The following CNTN6 variants were observed in gnomAD, a reference collection of about 807,000 sequenced individuals.
The protein encoded by CNTN6 is contactin 6.
CNTN6 carries 137 observed loss-of-function variants against 122.8 expected under a neutral mutation model. The observed-to-expected ratio is 1.12, with a 90% confidence interval of 0.97 to 1.29. The LOEUF is 1.29. Ranked by LOEUF, CNTN6 falls within the 50% of genes most tolerant of loss-of-function variation. The pLI is 0.00. For synonymous variants in CNTN6, 570 were observed against 426.0 expected (o/e 1.34, Z -4.16); for missense variants, 1,634 against 1,223.4 (o/e 1.34, Z -5.01).
At chr3:1,346,057 G>A (rs1442690613) in intron 11 of CNTN6, among the ~76,000 whole-genome samples, 1 of 150,886 alleles carries the variant, frequency 6.6e-6, no homozygotes, top group African/African-American at 2.4e-5. Flanking sequence ...CAAAGTTATG[G>A]TTGATACCAA....
At chr3:1,344,936 C>G (rs1704443967) in intron 11 of CNTN6, among the ~76,000 whole-genome samples, 1 of 152,016 alleles carries the variant, frequency 6.6e-6, no homozygotes, top group South Asian at 2.1e-4. Flanking sequence ...TCATGTCTCT[C>G]TTGAGACAGT....
chr3:1,336,191 TACAGCTA>T (rs1261520486), intron 11 of CNTN6, among the ~76,000 whole-genome samples: 2 of 151,530 alleles, frequency 1.3e-5, no homozygotes, highest in African/African-American at 2.4e-5. Context: ...TAAAATAAAA[TACAGCTA>T]AATGTCAGAA....
chr3:1,285,929 G>C (rs1694256742), intron 5 of CNTN6, among the ~76,000 whole-genome samples: 1 of 152,208 alleles, frequency 6.6e-6, no homozygotes, highest in Admixed American at 6.5e-5. Context: ...GTTAGAACCA[G>C]GAAGCTCATG....
intron 4 of CNTN6, among the ~76,000 whole-genome samples, chr3:1,252,458 T>G (rs1218079678): frequency 6.6e-6 from 1 of 152,188 alleles, no homozygotes; most frequent in Non-Finnish European, 1.5e-5. Context: ...ATTAGTAGAT[T>G]CTTCTAAAAT....
At chr3:1,191,546 T>G (rs910836741) in intron 2 of CNTN6, among the ~76,000 whole-genome samples, 5 of 152,188 alleles carry the variant, frequency 3.3e-5, no homozygotes, top group Non-Finnish European at 5.9e-5. Context: ...TCTCCCTAGG[T>G]ACCTTTTCAG....
At chr3:1,360,311 T>G (rs1707263393) in intron 12 of CNTN6, among the ~76,000 whole-genome samples, 1 of 152,102 alleles carries the variant, frequency 6.6e-6, no homozygotes, top group Non-Finnish European at 1.5e-5. Context: ...CTCCAATGTT[T>G]GACAATTTCA....
intron 2 of CNTN6, among the ~76,000 whole-genome samples, chr3:1,160,682 A>T (rs1192478541): frequency 2.6e-5 from 4 of 151,206 alleles, no homozygotes; most frequent in African/African-American, 9.7e-5. Flanking sequence ...AAAAAAGAAA[A>T]ATTAATTTGA....
intron 1 of CNTN6, among the ~76,000 whole-genome samples, chr3:1,130,252 T>C (rs2092301383): frequency 6.6e-6 from 1 of 152,064 alleles, no homozygotes; most frequent in Admixed American, 6.6e-5. Context: ...TTGTAGCAGA[T>C]GCTGTCTATG....
At chr3:1,265,623 A>G (rs2094915025) in intron 4 of CNTN6, among the ~76,000 whole-genome samples, 1 of 152,214 alleles carries the variant, frequency 6.6e-6, no homozygotes, top group Admixed American at 6.5e-5. Context: ...GACTATTTCT[A>G]AGAGTCCTTC....
At chr3:1,293,301 G>A (rs1695644050) in intron 5 of CNTN6, among the ~76,000 whole-genome samples, 1 of 148,972 alleles carries the variant, frequency 6.7e-6, no homozygotes, top group Admixed American at 6.7e-5. Flanking sequence ...ATTCCTTTAA[G>A]TATGGTTCAT....
intron 2 of CNTN6, among the ~76,000 whole-genome samples, chr3:1,206,579 C>A (rs1211661171): frequency 2.0e-5 from 3 of 152,160 alleles, no homozygotes; most frequent in Non-Finnish European, 4.4e-5. Flanking sequence ...CCAAATGCAC[C>A]ATTGACCCCA....
intron 4 of CNTN6, among the ~76,000 whole-genome samples, chr3:1,264,055 G>A (rs2094889168): frequency 6.6e-6 from 1 of 152,072 alleles, no homozygotes; most frequent in African/African-American, 2.4e-5. Context: ...AATGGCAGCT[G>A]TATTTGGAAT....
At chr3:1,194,009 G>T (rs755283084) in intron 2 of CNTN6, among the ~76,000 whole-genome samples, 1 of 152,104 alleles carries the variant, frequency 6.6e-6, no homozygotes, top group South Asian at 2.1e-4. Context: ...CCTTATGCAG[G>T]CCCTATGCTA....
chr3:1,303,873 T>C (rs1697868343), intron 7 of CNTN6, among the ~76,000 whole-genome samples: 1 of 152,202 alleles, frequency 6.6e-6, no homozygotes, highest in Non-Finnish European at 1.5e-5. Flanking sequence ...GCTGGTTTAC[T>C]ACTAAAATGA....
At chr3:1,099,788 C>A (rs114536675) in intron 1 of CNTN6, among the ~76,000 whole-genome samples, 3,060 of 152,258 alleles carry the variant, frequency 0.02, 111 homozygotes, top group African/African-American at 0.071. Flanking sequence ...ACTTCATATT[C>A]AACCAAAGTG....
rs539955358 is a variant in CNTN6, at chr3:1,384,666, CTATA to C, written c.2518-926_2518-923del. The stretch of plus-strand genomic sequence containing the variant: ...TAATCCTAAACATTCTTAATTTTGC[CTATA>C]TATATATATATATATATACACACAC... On this transcript the variant is annotated intron_variant, in intron 19 of 22. Coordinates refer to ENST00000446702, the MANE Select transcript of CNTN6 (RefSeq NM_001289080.2). Among the ~76,000 whole-genome samples the C allele has an allele frequency of 5.8e-3, 654 of 113,538 alleles. 4 individuals are homozygous for C. The highest frequency in any genetic ancestry group is 0.02 in the African/African-American group (557 of 27,978). 74.5% of individuals were successfully genotyped at this position (113,538 alleles called of 152,430 possible).
chr3:1,093,771 T>C (rs563428963), intron 1 of CNTN6, among the ~76,000 whole-genome samples: 5 of 152,268 alleles, frequency 3.3e-5, no homozygotes, highest in African/African-American at 1.2e-4. Context: ...AAGGTTCTTA[T>C]AATACTTTAT....
chr3:1,106,544 G>T (rs765410612), intron 1 of CNTN6, among the ~76,000 whole-genome samples: 242 of 143,108 alleles, frequency 1.7e-3, no homozygotes, highest in Middle Eastern at 3.4e-3. Context: ...ACACACACAC[G>T]CACAATCTCT....
At chr3:1,105,050 T>A (rs1159793978) in intron 1 of CNTN6, among the ~76,000 whole-genome samples, 1 of 152,124 alleles carries the variant, frequency 6.6e-6, no homozygotes, top group Non-Finnish European at 1.5e-5. Flanking sequence ...GTAGTACAAT[T>A]TGCATGTCAA....
Sources: allele counts gnomAD v4.1 joint callset (sites outside exome capture counted in the v4.1 genomes callset), GRCh38; gene constraint gnomAD v4.1.1; transcripts MANE v1.5; gene names NCBI Gene and HGNC (gene_info 2026-07-23, HGNC 2026-07-21).